Variants in MYRF observed in about 807,000 individuals in gnomAD.
MYRF encodes myelin gene regulatory factor.
Under a neutral mutation model 126.3 loss-of-function variants are expected in MYRF, and 16 were observed. That is an observed-to-expected ratio of 0.13 (90% CI 0.09 to 0.19). The LOEUF (loss-of-function observed/expected upper bound fraction) is 0.19. Among genes scored for constraint, MYRF ranks in the 10% least tolerant of loss-of-function variants. MYRF has a pLI of 1.00. For synonymous variants in MYRF, 608 were observed against 635.3 expected, an observed-to-expected ratio of 0.96 and a Z score of 0.65; for missense variants, 1,104 against 1,547.0, an observed-to-expected ratio of 0.71 and a Z score of 4.80.
Position 61,778,909 on chromosome 11 carries a change from A to G in MYRF, c.2014-354A>G, listed in dbSNP as rs2066464558. On this transcript the variant is annotated intron_variant, in intron 14 of 26. Coordinates refer to ENST00000278836, the MANE Select transcript of MYRF (RefSeq NM_001127392.3). This position sits in a 1 kb window ranked among gnomAD's most constrained non-coding sequence, Gnocchi z 4.6. ...TAATAGGTCTCCACCCCAGCTGAAT[A>G]GTGAAGTGCTGACATCTGAGACACC... The G allele has an allele frequency of 5.3e-6, 3 of 569,956 alleles. No individual in the cohort carries two copies. Among genetic ancestry groups the G allele is most frequent in the Middle Eastern group, 2.7e-4 (1 of 3,738 alleles). The allele number at this position is 569,956 out of a possible 1,614,324, so 35.3% of individuals were successfully genotyped here.
Position 61,776,030 on chromosome 11 carries a change from G to A in MYRF, c.1312-26G>A. ...GACCAGCCGGGTAGCCCCATCCTGA[G>A]GTGCCACTGGCTTCACTCCCCACAG... On this transcript the variant is annotated intron_variant, in intron 8 of 26. Coordinates refer to ENST00000278836, the MANE Select transcript of MYRF (RefSeq NM_001127392.3). This position sits in a 1 kb window ranked among gnomAD's most constrained non-coding sequence, Gnocchi z 4.3. 6.2e-7 allele frequency: 1 copy of A among 1,612,562 alleles called. No homozygotes were observed. Among genetic ancestry groups the A allele is most frequent in the Non-Finnish European group, 8.5e-7 (1 of 1,178,758 alleles).
In MYRF at chr11:61,785,792, C is replaced by T. The variant is rs1254139306; in HGVS notation, c.3301-8C>T. ...GTCTGTCCTGACCCCTCTCTCCCTT[C>T]TCTCCAGGGCACCTCTCACCGGTGG... On this transcript the variant is annotated splice_region_variant and splice_polypyrimidine_tract_variant and intron_variant, in intron 25 of 26. Transcript: ENST00000278836. 1 of 1,613,466 alleles carries T rather than the reference C, an allele frequency of 6.2e-7. No individual in the cohort carries two copies. The highest frequency in any genetic ancestry group is 8.5e-7 in the Non-Finnish European group (1 of 1,179,472).
Position 61,777,589 on chromosome 11 carries a change from G to C in MYRF, c.1791+125G>C. On this transcript the variant is annotated intron_variant, in intron 12 of 26. Coordinates refer to ENST00000278836, the MANE Select transcript of MYRF (RefSeq NM_001127392.3). This position sits in a 1 kb window ranked among gnomAD's most constrained non-coding sequence, Gnocchi z 8.8. ...GCTGCGGGGGAAGGAAGGGAGGGAGGCTGGCCTCGAATCCCGATCTAACCA... is the reference window on the plus strand; with the variant it reads ...GCTGCGGGGGAAGGAAGGGAGGGAGCCTGGCCTCGAATCCCGATCTAACCA... The C allele has an allele frequency of 7.3e-7, 1 of 1,364,550 alleles. No homozygotes were observed. Among genetic ancestry groups the C allele is most frequent in the Non-Finnish European group, 1.0e-6 (1 of 995,814 alleles). 84.5% of individuals were successfully genotyped at this position (1,364,550 alleles called of 1,614,324 possible).
intron 14 of MYRF, 101 bp from the exon 15 acceptor site, chr11:61,779,162 G>A: frequency 1.5e-6 from 2 of 1,321,358 alleles, no homozygotes; most frequent in Non-Finnish European, 2.0e-6. Context: ...CAAGGACAGT[G>A]GCCGCCCCTC....
chr11:61,774,075 C>T lies in MYRF; in HGVS notation c.1224C>T (p.Ile408=), dbSNP rs370766419. Residue 408 remains isoleucine (I), a synonymous_variant, in exon 8 of 27, where the codon ATC becomes ATT. Transcript: ENST00000278836. ...KKNHFQVTVY[I]GMLGEPKYVK... is the part of the protein sequence containing the mutation. The stretch of plus-strand genomic sequence containing the variant: ...ACCACTTCCAGGTGACAGTGTACAT[C>T]GGCATGCTGGGCGAGCCCAAGTACG... The T allele has an allele frequency of 2.3e-5, 37 of 1,613,772 alleles. No individual in the cohort carries two copies. Among genetic ancestry groups the T allele is most frequent in the Middle Eastern group, 1.6e-4 (1 of 6,082 alleles).
intron 1 of MYRF, among the ~76,000 whole-genome samples, chr11:61,758,179 C>T (rs948917796): frequency 1.3e-5 from 2 of 152,130 alleles, no homozygotes; most frequent in Admixed American, 1.3e-4. Flanking sequence ...GGCTCCCGGA[C>T]ATTCTGTCCT....
chr11:61,781,846 C>T, intron 22 of MYRF, 22 bp downstream of exon 22: 1 of 1,512,958 alleles, frequency 6.6e-7, no homozygotes, highest in South Asian at 1.3e-5. Flanking sequence ...ACCCCTGACA[C>T]TACCCAGCCC....
chr11:61,757,473 G>T lies in MYRF; in HGVS notation c.46+4683G>T. ...TGAACACTCCATTGGTCCATGGCAG[G>T]TGTTCTGCGCCCTACCTTGAAGATT... On this transcript the variant is annotated intron_variant, in intron 1 of 26. Transcript: ENST00000278836. This position sits in a 1 kb window ranked among gnomAD's most constrained non-coding sequence, Gnocchi z 4.7. 1 of 456,310 alleles carries T rather than the reference G, an allele frequency of 2.2e-6. No individual in the cohort carries two copies. The allele number at this position is 456,310 out of a possible 1,614,324, so 28.3% of individuals were successfully genotyped here.
intron 1 of MYRF, among the ~76,000 whole-genome samples, chr11:61,764,223 C>T (rs2065985581): frequency 6.6e-6 from 1 of 152,196 alleles, no homozygotes; most frequent in Admixed American, 6.5e-5. Flanking sequence ...CGGGGCTCAG[C>T]ATTCTTGAAA....
rs1036939449 is a variant in MYRF, at chr11:61,783,835, A to C, written c.3120-16A>C. ...CAGGGTACCCTCAGGCTAAGGTGCCAGTTTTGCCCCTGCAGGCCTGGGAAC... is the reference window on the plus strand; with the variant it reads ...CAGGGTACCCTCAGGCTAAGGTGCCCGTTTTGCCCCTGCAGGCCTGGGAAC... On this transcript the variant is annotated splice_polypyrimidine_tract_variant and intron_variant, in intron 23 of 26. Transcript: ENST00000278836. The surrounding 1 kb of genome is among the most constrained non-coding windows in gnomAD (Gnocchi z 4.6). 2 of 1,592,850 alleles carry C rather than the reference A, an allele frequency of 1.3e-6. No homozygotes were observed. Among genetic ancestry groups the C allele is most frequent in the African/African-American group, 1.3e-5 (1 of 74,576 alleles).
Position 61,785,827 on chromosome 11 carries a change from A to G in MYRF, c.3328A>G (p.Ile1110Val). 6.2e-7 allele frequency: 1 copy of G among 1,613,864 alleles called. No homozygotes were observed. The highest frequency in any genetic ancestry group is 8.5e-7 in the Non-Finnish European group (1 of 1,179,946). The change falls in exon 26 of 27, where the codon ATC becomes GTC. Residue 1110 changes from isoleucine (I) to valine (V), a missense_variant. Around this residue, in one of 10 missense-constraint regions of MYRF, gnomAD observed 94 missense variants for 164.6 expected, o/e 0.57. Coordinates refer to ENST00000278836, the MANE Select transcript of MYRF (RefSeq NM_001127392.3). ...CACCTCTCACCGGTGGCCAATAACC[A>G]TCCTGTCCTTCCGTGAATTCACCTA... ...QGTSHRWPIT[I>V]LSFREFTYHF...
chr11:61,769,762 A>G (rs932946374), intron 4 of MYRF, among the ~76,000 whole-genome samples: 5 of 152,100 alleles, frequency 3.3e-5, no homozygotes, highest in African/African-American at 1.2e-4. Flanking sequence ...TTATCTTACC[A>G]AAAACATCCC....
At position 61,779,079 on chromosome 11, in the gene MYRF, A is replaced by C. The variant is rs1027689165; in HGVS notation, c.2014-184A>C. The C allele has an allele frequency of 4.6e-6, 3 of 658,128 alleles. No homozygotes were observed. The African/African-American group carries it at 5.4e-5, about 12-fold the overall frequency. The allele number at this position is 658,128 out of a possible 1,614,324, so 40.8% of individuals were successfully genotyped here. Reference sequence around the variant, plus strand: ...GGAGGTGTTGCTCGGAGACAGGCACAGGAGCTGTGGGAGCCGAGGCTGGAT... The same window carrying C: ...GGAGGTGTTGCTCGGAGACAGGCACCGGAGCTGTGGGAGCCGAGGCTGGAT... On this transcript the variant is annotated intron_variant, in intron 14 of 26. Transcript: ENST00000278836.
chr11:61,765,893 G>A (rs747261602), intron 2 of MYRF, 65 bp from the exon 3 acceptor site: 17 of 1,457,790 alleles, frequency 1.2e-5, no homozygotes, highest in Non-Finnish European at 1.4e-5. Flanking sequence ...TGCAGGGAGG[G>A]GGCGGCTACT....
At chr11:61,784,979 C>T (rs1177534377) in intron 25 of MYRF, 1 of 152,872 alleles carries the variant, frequency 6.5e-6, no homozygotes, top group Non-Finnish European at 1.5e-5. Context: ...ATTATTTTTT[C>T]TTGCCCATTC....
chr11:61,752,730 C>A lies in MYRF; in HGVS notation c.-15C>A, dbSNP rs2065640390. 2.1e-6 allele frequency: 3 copies of A among 1,449,284 alleles called. No individual in the cohort carries two copies. Among genetic ancestry groups the A allele is most frequent in the Non-Finnish European group, 2.7e-6 (3 of 1,106,028 alleles). The allele number at this position is 1,449,284 out of a possible 1,614,324, so 89.8% of individuals were successfully genotyped here. A position where few individuals can be genotyped will look rare whatever the true frequency, so the allele number is the denominator to read the frequency against. On this transcript the variant is annotated 5_prime_UTR_variant, in exon 1 of 27. Coordinates refer to ENST00000278836, the MANE Select transcript of MYRF (RefSeq NM_001127392.3). ...AGCGGGGCCGCGGCTGGAGTGTGCGCCGGGCAGGCGGGACATGGAGGTGGT... is the reference window on the plus strand; with the variant it reads ...AGCGGGGCCGCGGCTGGAGTGTGCGACGGGCAGGCGGGACATGGAGGTGGT...
intron 17 of MYRF, 115 bp from the exon 18 acceptor site, chr11:61,780,107 T>G (rs1591125171): frequency 1.5e-6 from 2 of 1,341,252 alleles, no homozygotes; most frequent in East Asian, 4.9e-5. Context: ...GTGACCCATT[T>G]TGTAGGCATC....
Position 61,757,648 on chromosome 11 carries a change from C to T in MYRF, c.46+4858C>T, listed in dbSNP as rs1457244163. The T allele has an allele frequency of 2.3e-6, 1 of 429,762 alleles. No homozygotes were observed. The highest frequency in any genetic ancestry group is 4.7e-6 in the Non-Finnish European group (1 of 212,594). The allele number at this position is 429,762 out of a possible 1,614,324, so 26.6% of individuals were successfully genotyped here. ...GCACATCCAGTGGGGCCCGCCCCAC[C>T]TCCCCCTCTGAGATTTGGGTTCTGT... is the stretch of plus-strand genomic sequence containing the variant. On this transcript the variant is annotated intron_variant, in intron 1 of 26. Coordinates refer to ENST00000278836, the MANE Select transcript of MYRF (RefSeq NM_001127392.3). The surrounding 1 kb of genome is among the most constrained non-coding windows in gnomAD (Gnocchi z 4.7).
rs762606516 is a variant in MYRF, at chr11:61,776,418, C to G, written c.1485C>G (p.Pro495=). ...ACAACATGCGTAAGAAGGGCAAGCC[C>G]AACCCGGACCAGAGGTGAGCAGGTG... The part of the protein sequence containing the change: ...TANNMRKKGK[P]NPDQRYFMLV... The change falls in exon 10 of 27, where the codon CCC becomes CCG. Residue 495 remains proline (P), a synonymous_variant. Coordinates refer to ENST00000278836, the MANE Select transcript of MYRF (RefSeq NM_001127392.3). This position sits in a 1 kb window ranked among gnomAD's most constrained non-coding sequence, Gnocchi z 4.3. 1 of 1,612,510 alleles carries G rather than the reference C, an allele frequency of 6.2e-7. No homozygotes were observed. The highest frequency in any genetic ancestry group is 1.1e-5 in the South Asian group (1 of 90,964).
Sources: gnomAD v4.1 joint callset for allele counts (sites outside exome capture counted in the v4.1 genomes callset) on GRCh38, gnomAD v4.1.1 for gene constraint, gnomAD v4.1.1 regional missense constraint, Gnocchi (gnomAD v3.1) non-coding constraint, MANE v1.5 for transcripts, NCBI Gene and HGNC (gene_info 2026-07-23, HGNC 2026-07-21) for gene names.